TMEM132D: variants seen among roughly 807,000 people sequenced by gnomAD.
TMEM132D encodes mature OL transmembrane protein.
A neutral mutation model predicts 62.3 loss-of-function variants in TMEM132D; 21 were observed. The ratio of observed to expected loss-of-function variants is 0.34; its 90% confidence interval spans 0.24 to 0.49. The LOEUF (loss-of-function observed/expected upper bound fraction) is 0.49. Among genes scored for constraint, TMEM132D ranks in the 20% least tolerant of loss-of-function variants. The pLI, the probability that TMEM132D is intolerant of heterozygous loss-of-function variation, is 0.99. For missense variants in TMEM132D, 1,346 were observed against 1,402.8 expected (o/e 0.96, Z 0.65); for synonymous variants, 621 against 575.6 (o/e 1.08, Z -1.13).
At chr12:129,420,306 G>GTTTT (rs71082709) in intron 3 of TMEM132D, among the ~76,000 whole-genome samples, 43 of 112,298 alleles carry the variant, frequency 3.8e-4, no homozygotes, top group African/African-American at 8.0e-4. Context: ...CACGTTCTCT[G>GTTTT]TTTTTTTTTT....
intron 3 of TMEM132D, among the ~76,000 whole-genome samples, chr12:129,389,190 A>G (rs1871229579): frequency 6.6e-6 from 1 of 152,162 alleles, no homozygotes; most frequent in African/African-American, 2.4e-5. Flanking sequence ...TAATACAAGC[A>G]CTATCACCAA....
At position 129,713,405 on chromosome 12, in the gene TMEM132D, GT is replaced by G. The variant is rs34930874; in HGVS notation, c.80-12708del. On this transcript the variant is annotated intron_variant, in intron 1 of 8. Coordinates refer to ENST00000422113, the MANE Select transcript of TMEM132D (RefSeq NM_133448.3). ...GATCTCAGATTTTTGGTTTTTTGTT[GT>G]TTTTTTTTTTAATAAAAATTGCAAG... is the stretch of plus-strand genomic sequence containing the variant. 7.1e-4 allele frequency among the ~76,000 whole-genome samples: 105 copies of G among 147,192 alleles called. 1 individual carries two copies. Among genetic ancestry groups the G allele is most frequent in the African/African-American group, 1.8e-3 (73 of 40,046 alleles).
intron 4 of TMEM132D, among the ~76,000 whole-genome samples, chr12:129,323,893 TC>T (rs1231848186): frequency 1.4e-5 from 2 of 144,238 alleles, no homozygotes; most frequent in Non-Finnish European, 3.0e-5. Context: ...AAGCACATTT[TC>T]TATAGGAAGT....
At chr12:129,654,297 A>AGAGTGTGT (rs1555223866) in intron 2 of TMEM132D, among the ~76,000 whole-genome samples, 318 of 148,462 alleles carry the variant, frequency 2.1e-3, no homozygotes, top group African/African-American at 7.5e-3. Flanking sequence ...TGTGTGTGTG[A>AGAGTGTGT]GTGTGTGTGT....
At chr12:129,112,180 T>C (rs1397433621) in intron 5 of TMEM132D, among the ~76,000 whole-genome samples, 1 of 152,166 alleles carries the variant, frequency 6.6e-6, no homozygotes, top group Non-Finnish European at 1.5e-5. Context: ...AAATGAGGAT[T>C]CTAACAGTGA....
At chr12:129,081,439 C>T (rs1386346040) in intron 7 of TMEM132D, among the ~76,000 whole-genome samples, 1 of 152,138 alleles carries the variant, frequency 6.6e-6, no homozygotes, top group Non-Finnish European at 1.5e-5. Context: ...GCTGGGACCA[C>T]AGGCATGCAC....
At chr12:129,898,993 C>T (rs1327809111) in intron 1 of TMEM132D, among the ~76,000 whole-genome samples, 1 of 152,244 alleles carries the variant, frequency 6.6e-6, no homozygotes, top group Non-Finnish European at 1.5e-5. Context: ...TGGCACTAAA[C>T]ATCCCTACCT....
At chr12:129,626,513 A>G (rs1879220558) in intron 2 of TMEM132D, among the ~76,000 whole-genome samples, 3 of 151,684 alleles carry the variant, frequency 2.0e-5, no homozygotes. Context: ...GCTGGAGTGC[A>G]GTGGCACAAT....
intron 3 of TMEM132D, among the ~76,000 whole-genome samples, chr12:129,421,023 G>A (rs185998369): frequency 2.6e-4 from 39 of 149,454 alleles, no homozygotes; most frequent in African/African-American, 5.2e-4. Context: ...GTGCAGTGGC[G>A]CAATCTCAGC....
chr12:129,383,620 G>T (rs1398544151), intron 3 of TMEM132D, among the ~76,000 whole-genome samples: 2 of 152,108 alleles, frequency 1.3e-5, no homozygotes, highest in Non-Finnish European at 2.9e-5. Flanking sequence ...TGTATTTTTA[G>T]TAGAGACAGG....
intron 3 of TMEM132D, among the ~76,000 whole-genome samples, chr12:129,379,129 A>C (rs949114543): frequency 6.6e-6 from 1 of 152,168 alleles, no homozygotes; most frequent in Non-Finnish European, 1.5e-5. Context: ...TGGAAATACT[A>C]GTTAGTCCTG....
chr12:129,083,823 T>TA (rs1386252262), intron 6 of TMEM132D, among the ~76,000 whole-genome samples: 1 of 152,250 alleles, frequency 6.6e-6, no homozygotes, highest in Non-Finnish European at 1.5e-5. Context: ...CCTGAGCTCC[T>TA]ACCACTCTCT....
chr12:129,444,813 C>G (rs1308190101), intron 3 of TMEM132D, among the ~76,000 whole-genome samples: 1 of 152,066 alleles, frequency 6.6e-6, no homozygotes, highest in East Asian at 1.9e-4. Flanking sequence ...TGGCTACTAT[C>G]AAAAAGTCAA....
intron 2 of TMEM132D, among the ~76,000 whole-genome samples, chr12:129,583,962 G>A (rs538912018): frequency 3.0e-4 from 46 of 152,032 alleles, no homozygotes; most frequent in South Asian, 8.3e-4. Flanking sequence ...TAAATATTTC[G>A]GTTTCTGAAA....
intron 1 of TMEM132D, among the ~76,000 whole-genome samples, chr12:129,767,052 C>A (rs1474201172): frequency 6.6e-6 from 1 of 152,224 alleles, no homozygotes; most frequent in African/African-American, 2.4e-5. Context: ...TAGCCCTGCT[C>A]TGCAGAAGCA....
chr12:129,807,903 G>A (rs1244725472), intron 1 of TMEM132D, among the ~76,000 whole-genome samples: 5 of 152,192 alleles, frequency 3.3e-5, no homozygotes, highest in Admixed American at 6.5e-5. Flanking sequence ...ATAGGAGGAC[G>A]TTTACTTAAG....
At chr12:129,229,112 G>T (rs943665941) in intron 4 of TMEM132D, among the ~76,000 whole-genome samples, 19 of 152,210 alleles carry the variant, frequency 1.2e-4, no homozygotes, top group Non-Finnish European at 1.5e-5. Context: ...TGATCCAGCT[G>T]TGCCAACGTT....
chr12:129,430,050 T>C (rs953580359), intron 3 of TMEM132D, among the ~76,000 whole-genome samples: 8 of 152,292 alleles, frequency 5.3e-5, no homozygotes, highest in South Asian at 2.1e-4. Flanking sequence ...CATACGTGTG[T>C]ATGTGTCTTT....
At chr12:129,411,649 C>T (rs898082802) in intron 3 of TMEM132D, among the ~76,000 whole-genome samples, 2 of 152,150 alleles carry the variant, frequency 1.3e-5, no homozygotes, top group Non-Finnish European at 2.9e-5. Flanking sequence ...GCCCCCATGC[C>T]CAGCCTAATT....
Sources: allele counts gnomAD v4.1 joint callset (sites outside exome capture counted in the v4.1 genomes callset), GRCh38; gene constraint gnomAD v4.1.1; transcripts MANE v1.5; gene names NCBI Gene and HGNC (gene_info 2026-07-23, HGNC 2026-07-21).